PRTFDC1: variants seen among roughly 807,000 people sequenced by gnomAD.
PRTFDC1 encodes phosphoribosyltransferase domain-containing protein 1.
Under a neutral mutation model 34.6 loss-of-function variants are expected in PRTFDC1, and 38 were observed. That is an observed-to-expected ratio of 1.10 (90% CI 0.85 to 1.44). PRTFDC1 has a LOEUF of 1.44. PRTFDC1 is among the 40% of genes most tolerant of loss of function. The pLI is 0.00. For missense variants in PRTFDC1, 270 were observed against 283.0 expected, an observed-to-expected ratio of 0.95 and a Z score of 0.33; for synonymous variants, 93 against 98.1, an observed-to-expected ratio of 0.95 and a Z score of 0.31.
At chr10:24,913,012 C>G (rs552281466) in intron 3 of PRTFDC1, among the ~76,000 whole-genome samples, 7 of 152,298 alleles carry the variant, frequency 4.6e-5, no homozygotes, top group African/African-American at 1.4e-4. Context: ...ATTCCACTTA[C>G]AATTTTTCGA....
chr10:24,850,554 C>G (rs1351533113), intron 8 of PRTFDC1, among the ~76,000 whole-genome samples: 3 of 152,050 alleles, frequency 2.0e-5, no homozygotes, highest in African/African-American at 7.2e-5. Flanking sequence ...ATCGCTTGAG[C>G]CTGGGAGTTC....
intron 4 of PRTFDC1, among the ~76,000 whole-genome samples, chr10:24,861,930 C>T (rs143023240): frequency 3.3e-5 from 5 of 151,996 alleles, no homozygotes; most frequent in African/African-American, 9.6e-5. Context: ...TGAGCCACTG[C>T]GCCCAGCCGT....
At chr10:24,854,911 G>T (rs764406690) in intron 7 of PRTFDC1, among the ~76,000 whole-genome samples, 6 of 152,154 alleles carry the variant, frequency 3.9e-5, no homozygotes, top group African/African-American at 9.7e-5. Context: ...AACCTCCATA[G>T]CACCTCTCCT....
At chr10:24,887,371 A>G (rs1848187125) in intron 3 of PRTFDC1, among the ~76,000 whole-genome samples, 1 of 152,166 alleles carries the variant, frequency 6.6e-6, no homozygotes, top group African/African-American at 2.4e-5. Context: ...GACCTGGTGG[A>G]GAATCATGGT....
chr10:24,851,428 C>T lies in PRTFDC1; in HGVS notation c.590G>A (p.Gly197Glu), dbSNP rs1847487025. The change falls in exon 8 of 9, where the codon GGA becomes GAA. Residue 197 changes from glycine to glutamate, a missense_variant. Transcript: ENST00000320152. ...GFEIPNLFVV[G>E]YALDYNEYFR... is the part of the protein sequence containing the mutation. The stretch of plus-strand genomic sequence containing the variant: ...GTATTCATTGTAATCTAAGGCATAT[C>T]CCACCACAAATAAGTTTGGAATCTC... The T allele has an allele frequency of 3.1e-6, 5 of 1,612,400 alleles. No homozygotes were observed. Among genetic ancestry groups the T allele is most frequent in the Non-Finnish European group, 4.2e-6 (5 of 1,179,678 alleles).
At chr10:24,873,943 T>C (rs991662370) in intron 3 of PRTFDC1, among the ~76,000 whole-genome samples, 2 of 151,038 alleles carry the variant, frequency 1.3e-5, no homozygotes, top group African/African-American at 4.9e-5. Flanking sequence ...GGTCTCACTC[T>C]GTCACCTAGC....
At chr10:24,933,648 G>A (rs548562870) in intron 3 of PRTFDC1, among the ~76,000 whole-genome samples, 2 of 151,696 alleles carry the variant, frequency 1.3e-5, no homozygotes, top group Non-Finnish European at 2.9e-5. Flanking sequence ...ACATATGCTG[G>A]TGGGAATTCA....
intron 3 of PRTFDC1, among the ~76,000 whole-genome samples, chr10:24,935,681 T>C (rs1849038968): frequency 6.6e-6 from 1 of 152,152 alleles, no homozygotes; most frequent in Non-Finnish European, 1.5e-5. Flanking sequence ...TTTGAGTTCA[T>C]CAAAAGGCAG....
chr10:24,918,686 G>T (rs2132579700), intron 3 of PRTFDC1, among the ~76,000 whole-genome samples: 1 of 152,202 alleles, frequency 6.6e-6, no homozygotes, highest in African/African-American at 2.4e-5. Context: ...AAGCTCTAGG[G>T]TTACAGGTGT....
chr10:24,936,190 T>C (rs761627816), intron 3 of PRTFDC1, among the ~76,000 whole-genome samples: 39 of 152,172 alleles, frequency 2.6e-4, no homozygotes, highest in Non-Finnish European at 2.9e-4. Context: ...CCTCACCCAA[T>C]AGTAAGTTAT....
At chr10:24,868,579 G>A (rs996999980) in intron 4 of PRTFDC1, among the ~76,000 whole-genome samples, 2 of 152,108 alleles carry the variant, frequency 1.3e-5, no homozygotes, top group Non-Finnish European at 1.5e-5. Flanking sequence ...GAGTAGCTGA[G>A]TCTACAGGTG....
At chr10:24,946,942 C>A (rs1348852376) in intron 1 of PRTFDC1, among the ~76,000 whole-genome samples, 1 of 152,086 alleles carries the variant, frequency 6.6e-6, no homozygotes, top group South Asian at 2.1e-4. Flanking sequence ...GTGAGACCAG[C>A]CTGGGTAATA....
chr10:24,920,231 G>T (rs1428560383), intron 3 of PRTFDC1, among the ~76,000 whole-genome samples: 1 of 151,738 alleles, frequency 6.6e-6, no homozygotes, highest in Non-Finnish European at 1.5e-5. Context: ...CAACCCAAAT[G>T]CCCATCAATG....
chr10:24,894,329 C>CAA (rs199529794), intron 3 of PRTFDC1, among the ~76,000 whole-genome samples: 74 of 98,726 alleles, frequency 7.5e-4, no homozygotes, highest in South Asian at 1.4e-3. Context: ...GACTCAATCT[C>CAA]AAAAAAAAAA....
intron 3 of PRTFDC1, among the ~76,000 whole-genome samples, chr10:24,917,673 T>C (rs1224090616): frequency 6.6e-6 from 1 of 152,192 alleles, no homozygotes; most frequent in Non-Finnish European, 1.5e-5. Context: ...GAAAGAGTTA[T>C]GTGTCCATCA....
At chr10:24,850,907 G>C (rs780537665) in intron 8 of PRTFDC1, among the ~76,000 whole-genome samples, 2 of 152,172 alleles carry the variant, frequency 1.3e-5, no homozygotes, top group Non-Finnish European at 2.9e-5. Flanking sequence ...TCTACCTCTA[G>C]ATCATGCAGT....
intron 3 of PRTFDC1, among the ~76,000 whole-genome samples, chr10:24,922,585 G>T (rs1461360737): frequency 6.6e-6 from 1 of 152,168 alleles, no homozygotes; most frequent in East Asian, 1.9e-4. Flanking sequence ...TGTAAGATAT[G>T]ATTTTGCCCC....
chr10:24,934,438 G>C (rs11818463), intron 3 of PRTFDC1, among the ~76,000 whole-genome samples: 39,473 of 152,026 alleles, frequency 0.26, 5,909 homozygotes, highest in Non-Finnish European at 0.35. Context: ...GACATGCCTC[G>C]TGATCCCCTC....
intron 3 of PRTFDC1, among the ~76,000 whole-genome samples, chr10:24,884,765 G>A (rs1475051887): frequency 6.6e-6 from 1 of 152,190 alleles, no homozygotes; most frequent in African/African-American, 2.4e-5. Context: ...AACAGGCAAA[G>A]AGAAAGGGAT....
Sources: gnomAD v4.1 joint callset for allele counts (sites outside exome capture counted in the v4.1 genomes callset) on GRCh38, gnomAD v4.1.1 for gene constraint, MANE v1.5 for transcripts, NCBI Gene and HGNC (gene_info 2026-07-23, HGNC 2026-07-21) for gene names.